Variants in TRERF1 observed in about 807,000 individuals in gnomAD.
TRERF1 encodes transcriptional regulating factor 1, also known as transcriptional-regulating factor 1.
TRERF1 carries 27 observed loss-of-function variants against 122.9 expected under a neutral mutation model. The observed-to-expected ratio is 0.22, with a 90% CI of 0.16 to 0.30. The LOEUF (loss-of-function observed/expected upper bound fraction) is 0.30. TRERF1 is among the 10% of genes least tolerant of loss of function. The pLI is 1.00. For missense variants in TRERF1, 1,248 were observed against 1,560.3 expected, an observed-to-expected ratio of 0.80 and a Z score of 3.37; for synonymous variants, 636 against 641.7, an observed-to-expected ratio of 0.99 and a Z score of 0.13.
At chr6:42,340,026 G>T (rs1405087971) in intron 3 of TRERF1, among the ~76,000 whole-genome samples, 1 of 152,014 alleles carries the variant, frequency 6.6e-6, no homozygotes, top group East Asian at 1.9e-4. Context: ...TGTCCAAATG[G>T]CACCACGTCT....
intron 9 of TRERF1, among the ~76,000 whole-genome samples, chr6:42,258,775 C>G (rs1300452570): frequency 1.3e-5 from 2 of 152,122 alleles, no homozygotes; most frequent in Non-Finnish European, 2.9e-5. Flanking sequence ...ACTCTCATCC[C>G]CCAGGCTAGA....
intron 2 of TRERF1, among the ~76,000 whole-genome samples, chr6:42,450,860 G>T (rs1582320506): frequency 6.6e-6 from 1 of 152,308 alleles, no homozygotes; most frequent in Middle Eastern, 3.4e-3. Flanking sequence ...GCAGAGTCCT[G>T]CGGTTTCTTA....
chr6:42,333,725 G>A (rs1252522711), intron 3 of TRERF1, among the ~76,000 whole-genome samples: 1 of 152,150 alleles, frequency 6.6e-6, no homozygotes, highest in African/African-American at 2.4e-5. Context: ...GCCTCCATGG[G>A]AGGAAAATAC....
chr6:42,384,131 C>T (rs779755927), intron 2 of TRERF1, among the ~76,000 whole-genome samples: 24 of 151,934 alleles, frequency 1.6e-4, no homozygotes, highest in Non-Finnish European at 1.8e-4. Flanking sequence ...GGAATTTATC[C>T]TACAGACATA....
At chr6:42,411,780 C>T (rs1457491250) in intron 2 of TRERF1, among the ~76,000 whole-genome samples, 1 of 152,092 alleles carries the variant, frequency 6.6e-6, no homozygotes, top group Non-Finnish European at 1.5e-5. Context: ...ACAGGCTTCC[C>T]ACCATGGGCA....
chr6:42,241,490 T>C (rs1773687485), intron 15 of TRERF1, among the ~76,000 whole-genome samples: 1 of 152,038 alleles, frequency 6.6e-6, no homozygotes, highest in Admixed American at 6.5e-5. Context: ...AGATGGAGTT[T>C]TGCTCTCGTT....
intron 2 of TRERF1, among the ~76,000 whole-genome samples, chr6:42,400,700 G>A (rs1421491656): frequency 6.6e-6 from 1 of 152,158 alleles, no homozygotes; most frequent in Admixed American, 6.5e-5. Flanking sequence ...GAGAAGACGA[G>A]GACTCACGGA....
intron 2 of TRERF1, among the ~76,000 whole-genome samples, chr6:42,381,383 A>C (rs972754931): frequency 6.6e-6 from 1 of 151,002 alleles, no homozygotes; most frequent in African/African-American, 2.4e-5. Flanking sequence ...TGGACCACCC[A>C]CCCAGGCATA....
At chr6:42,256,670 G>A (rs1776810165) in intron 12 of TRERF1, 58 bp downstream of exon 12, 1 of 1,508,988 alleles carries the variant, frequency 6.6e-7, no homozygotes, top group Non-Finnish European at 9.2e-7. Flanking sequence ...AGACAATATT[G>A]AAACTTGGGA....
chr6:42,362,559 C>A (rs1311429019), intron 3 of TRERF1, among the ~76,000 whole-genome samples: 1 of 152,196 alleles, frequency 6.6e-6, no homozygotes, highest in Non-Finnish European at 1.5e-5. Flanking sequence ...GATCATGAGG[C>A]CAGACCTGAT....
At chr6:42,308,179 A>G (rs1787619791) in intron 3 of TRERF1, among the ~76,000 whole-genome samples, 1 of 152,252 alleles carries the variant, frequency 6.6e-6, no homozygotes, top group Non-Finnish European at 1.5e-5. Flanking sequence ...ATGTTCCTAG[A>G]AACATTATTC....
At chr6:42,282,107 CAT>C (rs1782404366) in intron 4 of TRERF1, among the ~76,000 whole-genome samples, 1 of 152,166 alleles carries the variant, frequency 6.6e-6, no homozygotes, top group East Asian at 1.9e-4. Context: ...AGCAGAGACT[CAT>C]AGAAAATGAC....
In TRERF1 at chr6:42,242,422, C is replaced by T. The variant is rs375104653; in HGVS notation, c.2859+826G>A. Among the ~76,000 whole-genome samples the T allele has an allele frequency of 1.4e-4, 22 of 152,278 alleles. 2 individuals are homozygous for T. The highest frequency in any genetic ancestry group is 3.9e-4 in the East Asian group (2 of 5,186). Reference sequence around the variant, plus strand: ...CAAATATTTACATAATTCATGAATTCCCAATACTTTCACTGATGGTGACAA... The same window carrying T: ...CAAATATTTACATAATTCATGAATTTCCAATACTTTCACTGATGGTGACAA... On this transcript the variant is annotated intron_variant, in intron 15 of 17. Transcript: ENST00000372922.
intron 2 of TRERF1, among the ~76,000 whole-genome samples, chr6:42,371,836 G>C (rs1773825573): frequency 6.6e-6 from 1 of 152,138 alleles, no homozygotes; most frequent in African/African-American, 2.4e-5. Context: ...TTGCCCTGTA[G>C]CAGCACTGTT....
Position 42,341,096 on chromosome 6 carries a change from T to C in TRERF1, c.-371+21901A>G, listed in dbSNP as rs141477213. 2.8e-3 allele frequency among the ~76,000 whole-genome samples: 419 copies of C among 152,302 alleles called. 2 individuals are homozygous for C. The highest frequency in any genetic ancestry group is 9.6e-3 in the African/African-American group (399 of 41,562). On this transcript the variant is annotated intron_variant, in intron 3 of 17. Transcript: ENST00000372922. Reference sequence around the variant, plus strand: ...TCCAGATTTGGGTGCAGGGTTTTCATGACCTCAAATCACTTACCAGCGGAG... The same window carrying C: ...TCCAGATTTGGGTGCAGGGTTTTCACGACCTCAAATCACTTACCAGCGGAG...
In TRERF1 at chr6:42,276,590, A is replaced by G. The variant is rs1781193269; in HGVS notation, c.-258-6742T>C. On this transcript the variant is annotated intron_variant, in intron 4 of 17. Coordinates refer to ENST00000372922, the Ensembl canonical transcript of TRERF1. The surrounding 1 kb of genome is among the most constrained non-coding windows in gnomAD (Gnocchi z 4.3). ...GGCCGCAGTTCGCCGTCTTCTTTTT[A>G]GCACCGTTGTTGTTCTAAATGCTTT... Among the ~76,000 whole-genome samples, 1 of 152,214 alleles carries G rather than the reference A, an allele frequency of 6.6e-6. No individual in the cohort carries two copies. Among genetic ancestry groups the G allele is most frequent in the Non-Finnish European group, 1.5e-5 (1 of 68,042 alleles).
intron 3 of TRERF1, among the ~76,000 whole-genome samples, chr6:42,336,458 T>C (rs1027473666): frequency 1.3e-5 from 2 of 152,180 alleles, no homozygotes; most frequent in African/African-American, 2.4e-5. Flanking sequence ...AATGCCCATT[T>C]CTACCTCCCA....
chr6:42,251,567 G>C (rs1775833468), intron 13 of TRERF1, among the ~76,000 whole-genome samples: 1 of 152,086 alleles, frequency 6.6e-6, no homozygotes, highest in Non-Finnish European at 1.5e-5. Context: ...TGTTAGGCAA[G>C]GTAAAAGAGT....
intron 4 of TRERF1, among the ~76,000 whole-genome samples, chr6:42,298,769 A>G (rs955507094): frequency 1.3e-5 from 2 of 151,916 alleles, no homozygotes; most frequent in Non-Finnish European, 2.9e-5. Flanking sequence ...GTGAAATCCC[A>G]TCTCTACTAA....
Sources: allele counts gnomAD v4.1 joint callset (sites outside exome capture counted in the v4.1 genomes callset), GRCh38; gene constraint gnomAD v4.1.1; non-coding constraint Gnocchi (gnomAD v3.1); transcripts MANE v1.5; gene names NCBI Gene and HGNC (gene_info 2026-07-23, HGNC 2026-07-21).